Variants in TM9SF2 observed in about 807,000 individuals in gnomAD.
TM9SF2 encodes the protein 76 kDa membrane protein.
In TM9SF2, 13 loss-of-function variants were observed where a neutral mutation model predicts 84.9. The ratio of observed to expected loss-of-function variants is 0.15; its 90% confidence interval spans 0.10 to 0.24. The LOEUF (loss-of-function observed/expected upper bound fraction) is 0.24. Ranked by LOEUF, TM9SF2 falls within the 10% of genes least tolerant of loss-of-function variation. The pLI, the probability that TM9SF2 is intolerant of heterozygous loss-of-function variation, is 1.00. For synonymous variants in TM9SF2, 273 were observed against 285.8 expected, an observed-to-expected ratio of 0.96 and a Z score of 0.45; for missense variants, 562 against 818.5, an observed-to-expected ratio of 0.69 and a Z score of 3.82.
Position 99,536,754 on chromosome 13 carries a change from CTCTT to C in TM9SF2, c.591+19_591+22del, listed in dbSNP as rs779020436. 18 of 1,608,714 alleles carry C rather than the reference CTCTT, an allele frequency of 1.1e-5. No homozygotes were observed. Among genetic ancestry groups the C allele is most frequent in the Non-Finnish European group, 1.5e-5 (18 of 1,177,306 alleles). On this transcript the variant is annotated intron_variant, in intron 5 of 16. Transcript: ENST00000376387. ...GTTATTAGTGTAAGTTCATGATAAA[CTCTT>C]TGCTGCTTTTTAAAACATGGCTTTT... is the stretch of plus-strand genomic sequence containing the variant.
intron 7 of TM9SF2, 114 bp from the exon 8 acceptor site, chr13:99,540,600 T>C (rs966900059): frequency 4.4e-6 from 3 of 687,404 alleles, no homozygotes; most frequent in Admixed American, 5.5e-5. Context: ...TTAGATAATT[T>C]AGAAATTGCA....
intron 4 of TM9SF2, among the ~76,000 whole-genome samples, chr13:99,530,103 A>G (rs72651444): frequency 7.9e-5 from 12 of 152,296 alleles, no homozygotes; most frequent in Non-Finnish European, 1.8e-4. Context: ...GGCTGACACA[A>G]AGACAGAAAG....
chr13:99,524,371 A>AT (rs1245898399), intron 3 of TM9SF2, among the ~76,000 whole-genome samples: 2 of 151,918 alleles, frequency 1.3e-5, no homozygotes, highest in Non-Finnish European at 2.9e-5. Context: ...TTGCCAAGGG[A>AT]TGGGATGTGG....
Position 99,554,492 on chromosome 13 carries a change from A to G in TM9SF2, c.1640+37A>G, listed in dbSNP as rs1376484718. ...ATAAAGTCCTCTCATTCTCATTACC[A>G]TTATATGTAATATTTCCTTTTTGTT... On this transcript the variant is annotated intron_variant, in intron 14 of 16. Transcript: ENST00000376387. The G allele has an allele frequency of 4.4e-6, 7 of 1,587,604 alleles. No individual in the cohort carries two copies. In the East Asian group the frequency reaches 9.1e-5, roughly 21 times the overall value.
intron 4 of TM9SF2, among the ~76,000 whole-genome samples, chr13:99,534,011 G>A (rs879458736): frequency 2.0e-5 from 3 of 152,104 alleles, no homozygotes; most frequent in Non-Finnish European, 4.4e-5. Context: ...ATAATTTGAG[G>A]ATCTTTTTGG....
intron 1 of TM9SF2, among the ~76,000 whole-genome samples, chr13:99,516,354 G>A (rs2046134702): frequency 1.3e-5 from 2 of 152,156 alleles, no homozygotes; most frequent in African/African-American, 2.4e-5. Flanking sequence ...GTGTGGCTCC[G>A]TGGCACTCCC....
chr13:99,538,700 C>T (rs981074632), intron 6 of TM9SF2, among the ~76,000 whole-genome samples: 1 of 151,576 alleles, frequency 6.6e-6, no homozygotes, highest in African/African-American at 2.4e-5. Context: ...ATCACTTGAG[C>T]CCAGGAGTTC....
intron 1 of TM9SF2, among the ~76,000 whole-genome samples, chr13:99,511,919 G>A (rs751492084): frequency 5.3e-5 from 8 of 152,172 alleles, no homozygotes; most frequent in African/African-American, 1.7e-4. Flanking sequence ...TTGTTTCCTC[G>A]TGTTAAAGAA....
chr13:99,508,303 G>A (rs1054757594), intron 1 of TM9SF2, among the ~76,000 whole-genome samples: 5 of 151,902 alleles, frequency 3.3e-5, no homozygotes, highest in African/African-American at 1.2e-4. Context: ...ATAATCTAGA[G>A]TCATCTGTCT....
chr13:99,525,235 CTGTT>C (rs35767318), intron 3 of TM9SF2, among the ~76,000 whole-genome samples: 4,524 of 151,678 alleles, frequency 0.03, 99 homozygotes, highest in Non-Finnish European at 0.047. Flanking sequence ...TCAAAGAGGA[CTGTT>C]TGTTTGTTTG....
intron 3 of TM9SF2, among the ~76,000 whole-genome samples, chr13:99,522,273 G>A (rs1007460524): frequency 5.3e-5 from 8 of 152,076 alleles, no homozygotes; most frequent in Non-Finnish European, 7.4e-5. Context: ...TGCCTGTCTC[G>A]ACCTCACAAA....
At chr13:99,539,305 A>C in intron 6 of TM9SF2, 141 bp from the exon 7 acceptor site, 1 of 628,314 alleles carries the variant, frequency 1.6e-6, no homozygotes, top group Non-Finnish European at 2.9e-6. Flanking sequence ...TATGATGTAA[A>C]TATTTATGCT....
chr13:99,559,623 G>A, intron 16 of TM9SF2, 89 bp downstream of exon 16: 2 of 1,264,872 alleles, frequency 1.6e-6, no homozygotes, highest in Non-Finnish European at 2.1e-6. Flanking sequence ...AACCCATGAA[G>A]GCTTATTCTG....
At chr13:99,501,803 GATGCACTGTTGGA>G in intron 1 of TM9SF2, 26 bp downstream of exon 1, 1 of 1,594,844 alleles carries the variant, frequency 6.3e-7, no homozygotes, top group Non-Finnish European at 8.5e-7. Context: ...CGAGCCCTCT[GATGCACTGTTGGA>G]AGGGGAAGTC....
intron 8 of TM9SF2, among the ~76,000 whole-genome samples, chr13:99,541,303 T>C (rs1777403561): frequency 1.3e-5 from 2 of 152,228 alleles, no homozygotes; most frequent in Admixed American, 1.3e-4. Flanking sequence ...AGTTATTTCA[T>C]AATATTGACC....
intron 15 of TM9SF2, among the ~76,000 whole-genome samples, chr13:99,557,537 GT>G (rs1014094898): frequency 6.6e-6 from 1 of 150,544 alleles, no homozygotes; most frequent in Non-Finnish European, 1.5e-5. Flanking sequence ...AAATGTATCT[GT>G]TTTTTTTTCT....
chr13:99,544,079 T>TGAGCCACCATGCCC, intron 10 of TM9SF2, 84 bp downstream of exon 10: 2 of 1,489,526 alleles, frequency 1.3e-6, no homozygotes, highest in Non-Finnish European at 1.8e-6. Flanking sequence ...TGGCCGGGCA[T>TGAGCCACCATGCCC]GGTGGCTCAT....
chr13:99,525,366 C>A (rs762690994), intron 3 of TM9SF2, among the ~76,000 whole-genome samples: 10 of 152,014 alleles, frequency 6.6e-5, no homozygotes, highest in Admixed American at 5.2e-4. Flanking sequence ...CTTAGCCTCC[C>A]GAGCAGCTGG....
At chr13:99,546,567 GT>G (rs1230728728) in intron 10 of TM9SF2, among the ~76,000 whole-genome samples, 334 of 141,956 alleles carry the variant, frequency 2.4e-3, no homozygotes, top group African/African-American at 3.1e-3. Flanking sequence ...AAGGTTTTGG[GT>G]TTTTTTTTTT....
Sources: gnomAD v4.1 joint callset for allele counts (sites outside exome capture counted in the v4.1 genomes callset) on GRCh38, gnomAD v4.1.1 for gene constraint, MANE v1.5 for transcripts, NCBI Gene and HGNC (gene_info 2026-07-23, HGNC 2026-07-21) for gene names.